Variants in ZNF536 observed in about 807,000 individuals in gnomAD.
The protein encoded by ZNF536 is zinc finger protein 536.
A neutral mutation model predicts 84.5 loss-of-function variants in ZNF536; 13 were observed. That is an observed-to-expected ratio of 0.15 (90% CI 0.10 to 0.24). The LOEUF is 0.24. ZNF536 is among the 10% of genes least tolerant of loss of function. The pLI is 1.00. For missense variants in ZNF536, 1,536 were observed against 1,747.5 expected (o/e 0.88, Z 2.16); for synonymous variants, 811 against 742.5 (o/e 1.09, Z -1.50).
At chr19:30,637,997 C>A (rs1268352393) in intron 1 of ZNF536, among the ~76,000 whole-genome samples, 1 of 152,162 alleles carries the variant, frequency 6.6e-6, no homozygotes, top group African/African-American at 2.4e-5. Context: ...ACCCAAACAT[C>A]CTTGTGGCTT....
chr19:30,560,378 C>T, downstream of ZNF536, among the ~76,000 whole-genome samples: 1 of 152,086 alleles, frequency 6.6e-6, no homozygotes, highest in African/African-American at 2.4e-5. Context: ...CCCACCTCCC[C>T]TGTAAACCAC....
intron 2 of ZNF536, among the ~76,000 whole-genome samples, chr19:30,518,941 C>G (rs538440785): frequency 1.3e-5 from 2 of 152,286 alleles, no homozygotes. Flanking sequence ...GGGAGCAGCA[C>G]GCAGATGGGA....
rs117633141 is a variant in ZNF536, at chr19:30,333,066, C to T, written c.-119-19302C>T. Among the ~76,000 whole-genome samples, 955 of 152,220 alleles carry T rather than the reference C, an allele frequency of 6.3e-3. 1 individual carries two copies. The highest frequency in any genetic ancestry group is 0.034 in the Middle Eastern group (10 of 294). ...CTTCCTGGTAGAAATCCTAGGGCAGCGTCCCATTTTCGACCTTCTGCCATT... is the reference window on the plus strand; with the variant it reads ...CTTCCTGGTAGAAATCCTAGGGCAGTGTCCCATTTTCGACCTTCTGCCATT... On this transcript the variant is annotated intron_variant, in intron 2 of 5. Transcript: ENST00000585628.
chr19:30,225,765 G>C (rs2022580529), upstream of ZNF536, among the ~76,000 whole-genome samples: 1 of 149,140 alleles, frequency 6.7e-6, no homozygotes, highest in African/African-American at 2.5e-5. Flanking sequence ...GGGCAGCTTC[G>C]GCGTCCGGGA....
chr19:30,335,636 C>T (rs964185591), intron 2 of ZNF536, among the ~76,000 whole-genome samples: 13 of 152,172 alleles, frequency 8.5e-5, no homozygotes, highest in Non-Finnish European at 1.5e-5. Flanking sequence ...CTCCTGCTCT[C>T]TAGGGCTGTC....
chr19:30,509,861 G>A (rs1251576997), intron 2 of ZNF536, among the ~76,000 whole-genome samples: 4 of 152,224 alleles, frequency 2.6e-5, no homozygotes, highest in Non-Finnish European at 5.9e-5. Flanking sequence ...GGTGGAAACT[G>A]TTGAATCGTG....
intron 1 of ZNF536, among the ~76,000 whole-genome samples, chr19:30,237,481 G>C (rs927219459): frequency 2.0e-5 from 3 of 152,160 alleles, no homozygotes; most frequent in African/African-American, 7.2e-5. Context: ...GAGCTTAAAC[G>C]TGAAGGTATT....
At chr19:30,696,531 A>C (rs1440995995) in intron 1 of ZNF536, among the ~76,000 whole-genome samples, 1 of 152,264 alleles carries the variant, frequency 6.6e-6, no homozygotes, top group Non-Finnish European at 1.5e-5. Context: ...TCCCCGATCA[A>C]TAGTTGCTGT....
intron 1 of ZNF536, among the ~76,000 whole-genome samples, chr19:30,702,351 G>A (rs575237352): frequency 6.6e-6 from 1 of 152,138 alleles, no homozygotes; most frequent in South Asian, 2.1e-4. Flanking sequence ...ACGGCGCAGC[G>A]ACAATACAAA....
chr19:30,607,772 T>C (rs1297797074), intron 1 of ZNF536, among the ~76,000 whole-genome samples: 1 of 151,728 alleles, frequency 6.6e-6, no homozygotes, highest in Non-Finnish European at 1.5e-5. Context: ...GTGTGTAACA[T>C]ATTAGAAATA....
chr19:30,570,225 T>C (rs2046496020), intron 1 of ZNF536, among the ~76,000 whole-genome samples: 1 of 152,172 alleles, frequency 6.6e-6, no homozygotes, highest in South Asian at 2.1e-4. Context: ...CACCACGGCA[T>C]TTGGCGTGCC....
intron 1 of ZNF536, among the ~76,000 whole-genome samples, chr19:30,632,344 A>C (rs1018438942): frequency 3.9e-5 from 6 of 152,286 alleles, no homozygotes; most frequent in East Asian, 1.9e-4. Flanking sequence ...GGTGGCTCAC[A>C]CTTGTAATCC....
rs1185972346 is a variant in ZNF536 at position 30,549,057 on chromosome 19, C to T, written c.3438C>T (p.Pro1146=). 4 of 1,614,206 alleles carry T rather than the reference C, an allele frequency of 2.5e-6. No individual in the cohort carries two copies. The highest frequency in any genetic ancestry group is 2.2e-5 in the East Asian group (1 of 44,876). The change falls in exon 4 of 5, where the codon CCC becomes CCT. Residue 1146 remains proline (P), a synonymous_variant. Transcript: ENST00000355537. ...AGGCCCACTCTGAAGAGGATGTCCC[C>T]ATCCTGATCCCCGAAACCACGAGTA... ...DGKAHSEEDV[P]ILIPETTSKN...
rs550936140 is a variant in ZNF536 at position 30,439,461 on chromosome 19, A to C, written c.-2-4100A>C. Among the ~76,000 whole-genome samples, 7 of 152,302 alleles carry C rather than the reference A, an allele frequency of 4.6e-5. No individual in the cohort carries two copies. In the South Asian group the frequency reaches 1.5e-3, roughly 32 times the overall value. ...TGAGTCCCAGGCCGGGCCTGGGGCC[A>C]GCTTGTCCTGCCTCGGCTGTTTTGG... On this transcript the variant is annotated intron_variant, in intron 1 of 4. Coordinates refer to ENST00000355537, the MANE Select transcript of ZNF536 (RefSeq NM_014717.3).
chr19:30,545,385 CTTTTTTTT>C (rs772761287), intron 3 of ZNF536, among the ~76,000 whole-genome samples: 2 of 67,676 alleles, frequency 3.0e-5, no homozygotes, highest in African/African-American at 6.0e-5. Context: ...TCCCATATGT[CTTTTTTTT>C]TTTTTTTTTT....
chr19:30,517,427 G>A (rs1051594581), intron 2 of ZNF536, among the ~76,000 whole-genome samples: 1 of 152,138 alleles, frequency 6.6e-6, no homozygotes, highest in Non-Finnish European at 1.5e-5. Flanking sequence ...TGGGGAAGGG[G>A]CCCGGTGGGG....
At chr19:30,282,549 C>T (rs2045487074) in intron 1 of ZNF536, among the ~76,000 whole-genome samples, 1 of 152,134 alleles carries the variant, frequency 6.6e-6, no homozygotes, top group Non-Finnish European at 1.5e-5. Flanking sequence ...GGAGAATAGT[C>T]CTAGAATTTT....
At chr19:30,605,581 C>T (rs990373117) in intron 1 of ZNF536, among the ~76,000 whole-genome samples, 2 of 152,184 alleles carry the variant, frequency 1.3e-5, no homozygotes, top group Non-Finnish European at 2.9e-5. Context: ...GTTATCCACT[C>T]ATTGGTTGAT....
At chr19:30,272,097 G>A (rs2025886515) in intron 1 of ZNF536, among the ~76,000 whole-genome samples, 1 of 152,170 alleles carries the variant, frequency 6.6e-6, no homozygotes, top group South Asian at 2.1e-4. Flanking sequence ...TCTAAGCACT[G>A]GAGAGATTTC....
Sources: allele counts gnomAD v4.1 joint callset (sites outside exome capture counted in the v4.1 genomes callset), GRCh38; gene constraint gnomAD v4.1.1; transcripts MANE v1.5; gene names NCBI Gene and HGNC (gene_info 2026-07-23, HGNC 2026-07-21).